The following CADM2 variants were observed in gnomAD, a reference collection of about 807,000 sequenced individuals.
CADM2 encodes cell adhesion molecule 2, also known as immunoglobulin superfamily member 4D.
A neutral mutation model predicts 49.8 loss-of-function variants in CADM2; 12 were observed. The ratio of observed to expected loss-of-function variants is 0.24; its 90% CI spans 0.15 to 0.39. The LOEUF (loss-of-function observed/expected upper bound fraction) is 0.39, where lower values mean the gene tolerates loss of function less well. Ranked by LOEUF, CADM2 falls within the 10% of genes least tolerant of loss-of-function variation. CADM2 has a pLI of 1.00. For synonymous variants in CADM2, 214 were observed against 175.4 expected, an observed-to-expected ratio of 1.22 and a Z score of -1.74; for missense variants, 378 against 492.3, an observed-to-expected ratio of 0.77 and a Z score of 2.20.
At chr3:85,280,378 C>T (rs1436172960) in intron 1 of CADM2, among the ~76,000 whole-genome samples, 1 of 151,402 alleles carries the variant, frequency 6.6e-6, no homozygotes, top group Non-Finnish European at 1.5e-5. Flanking sequence ...TGTCATTCTA[C>T]TCTCCTTTGA....
chr3:85,339,428 G>T (rs1405453434), intron 1 of CADM2, among the ~76,000 whole-genome samples: 1 of 151,412 alleles, frequency 6.6e-6, no homozygotes, highest in South Asian at 2.1e-4. Flanking sequence ...ACTTTCTCTA[G>T]TTTATAGAAT....
intron 1 of CADM2, among the ~76,000 whole-genome samples, chr3:85,185,433 A>T: frequency 6.6e-6 from 1 of 152,284 alleles, no homozygotes; most frequent in Middle Eastern, 3.4e-3. Flanking sequence ...AAAATGTAAT[A>T]AACAAAATAT....
intron 1 of CADM2, among the ~76,000 whole-genome samples, chr3:85,286,839 A>G (rs1323135719): frequency 6.6e-6 from 1 of 152,114 alleles, no homozygotes; most frequent in Non-Finnish European, 1.5e-5. Flanking sequence ...AGTATTGTCT[A>G]TAATAATCTA....
At chr3:85,191,716 T>A (rs1307207415) in intron 1 of CADM2, among the ~76,000 whole-genome samples, 3 of 152,144 alleles carry the variant, frequency 2.0e-5, no homozygotes, top group Non-Finnish European at 4.4e-5. Context: ...GTATTAATGT[T>A]CCATCTGACA....
In CADM2 at chr3:85,658,588, A is replaced by G. The variant is rs1444549866; in HGVS notation, c.62-67934A>G. On this transcript the variant is annotated intron_variant, in intron 1 of 9. Coordinates refer to ENST00000383699, the MANE Select transcript of CADM2 (RefSeq NM_001167675.2). Reference sequence around the variant, plus strand: ...ATTGGATATATGTGTATATATATATATATATATATATATATATATATATAT... The same window carrying G: ...ATTGGATATATGTGTATATATATATGTATATATATATATATATATATATAT... Among the ~76,000 whole-genome samples the G allele has an allele frequency of 4.4e-4, 55 of 125,070 alleles. 1 individual carries two copies. The highest frequency in any genetic ancestry group is 1.4e-3 in the African/African-American group (48 of 33,582). The allele number at this position is 125,070 out of a possible 152,430, so 82.1% of individuals were successfully genotyped here.
chr3:85,018,814 T>C (rs1037922556), intron 1 of CADM2, among the ~76,000 whole-genome samples: 11 of 152,206 alleles, frequency 7.2e-5, no homozygotes, highest in African/African-American at 2.7e-4. Flanking sequence ...GATATGCTAA[T>C]TGATATAACA....
intron 1 of CADM2, among the ~76,000 whole-genome samples, chr3:85,152,673 T>C (rs2039963549): frequency 6.6e-6 from 1 of 152,094 alleles, no homozygotes; most frequent in Non-Finnish European, 1.5e-5. Flanking sequence ...TATTAAAATG[T>C]AAGGCTGGGC....
chr3:85,255,267 T>G (rs2042860093), intron 1 of CADM2, among the ~76,000 whole-genome samples: 1 of 151,982 alleles, frequency 6.6e-6, no homozygotes, highest in Non-Finnish European at 1.5e-5. Flanking sequence ...ATTGCCTGGG[T>G]CCATAGCCTA....
chr3:85,865,941 G>A (rs2075706175), intron 3 of CADM2, among the ~76,000 whole-genome samples: 1 of 152,118 alleles, frequency 6.6e-6, no homozygotes, highest in Non-Finnish European at 1.5e-5. Flanking sequence ...GAGATAGATA[G>A]CCTTTCAAAA....
intron 1 of CADM2, among the ~76,000 whole-genome samples, chr3:85,547,901 T>G (rs966228748): frequency 2.6e-5 from 4 of 152,122 alleles, no homozygotes; most frequent in Non-Finnish European, 1.5e-5. Flanking sequence ...CCACTGTAGG[T>G]GAGCTAACCA....
chr3:85,346,728 G>A (rs1248540582), intron 1 of CADM2, among the ~76,000 whole-genome samples: 5 of 152,012 alleles, frequency 3.3e-5, no homozygotes, highest in African/African-American at 7.2e-5. Context: ...ATAAAAATAC[G>A]AAATGTAATT....
intron 1 of CADM2, among the ~76,000 whole-genome samples, chr3:85,484,591 C>A (rs912379342): frequency 1.3e-5 from 2 of 151,838 alleles, no homozygotes; most frequent in Non-Finnish European, 2.9e-5. Flanking sequence ...CAATTTTTCT[C>A]CTTAACTTCT....
chr3:85,519,620 T>C (rs2060984971), intron 1 of CADM2, among the ~76,000 whole-genome samples: 1 of 152,160 alleles, frequency 6.6e-6, no homozygotes, highest in South Asian at 2.1e-4. Flanking sequence ...CTCATTATAA[T>C]ATTAATAAAC....
chr3:85,348,787 C>T (rs2031038071), intron 1 of CADM2, among the ~76,000 whole-genome samples: 1 of 152,082 alleles, frequency 6.6e-6, no homozygotes, highest in Non-Finnish European at 1.5e-5. Flanking sequence ...CACAAAAATT[C>T]ATGAGAAGCT....
chr3:85,543,226 C>A (rs1453949174), intron 1 of CADM2, among the ~76,000 whole-genome samples: 1 of 116,180 alleles, frequency 8.6e-6, no homozygotes, highest in Admixed American at 9.6e-5. Context: ...AGTTCCACAA[C>A]TCTTTTTATT....
chr3:85,693,908 GAAAAAAGAAAA>G (rs1315263865), intron 1 of CADM2, among the ~76,000 whole-genome samples: 2 of 112,408 alleles, frequency 1.8e-5, no homozygotes, highest in East Asian at 5.3e-4. Flanking sequence ...AAAAAAAAAA[GAAAAAAGAAAA>G]AAAAAAGAAA....
rs9879757 is a variant in CADM2, at chr3:86,034,239, T to C, written c.971-31366T>C. Among the ~76,000 whole-genome samples, 537 of 152,122 alleles carry C rather than the reference T, an allele frequency of 3.5e-3. 2 individuals carry two copies. The highest frequency in any genetic ancestry group is 0.013 in the African/African-American group (520 of 41,530). On this transcript the variant is annotated intron_variant, in intron 8 of 9. Transcript: ENST00000383699. ...TAGTCATTTCAATGAGGCTCTGATA[T>C]GGACTGAGAATGTGATATTTTGTGT... is the stretch of plus-strand genomic sequence containing the variant.
intron 1 of CADM2, among the ~76,000 whole-genome samples, chr3:85,332,927 G>A (rs2044972423): frequency 1.3e-5 from 2 of 151,796 alleles, no homozygotes; most frequent in Non-Finnish European, 2.9e-5. Context: ...ATTAATAATA[G>A]ATTATTCTCA....
chr3:85,730,717 C>G (rs2067896958), intron 2 of CADM2, among the ~76,000 whole-genome samples: 1 of 152,038 alleles, frequency 6.6e-6, no homozygotes, highest in Non-Finnish European at 1.5e-5. Context: ...TAAAAATAGG[C>G]TAAATGTATC....
Sources: gnomAD v4.1 joint callset for allele counts (sites outside exome capture counted in the v4.1 genomes callset) on GRCh38, gnomAD v4.1.1 for gene constraint, MANE v1.5 for transcripts, NCBI Gene and HGNC (gene_info 2026-07-23, HGNC 2026-07-21) for gene names.